The following ACAP3 variants were observed in gnomAD, a reference collection of about 807,000 sequenced individuals.
ACAP3 encodes arf-GAP with coiled-coil, ANK repeat and PH domain-containing protein 3.
Under a neutral mutation model 104.1 loss-of-function variants are expected in ACAP3, and 56 were observed. The observed-to-expected ratio is 0.54, with a 90% CI of 0.43 to 0.67. ACAP3 has a LOEUF of 0.67. Among genes scored for constraint, ACAP3 ranks in the 30% least tolerant of loss-of-function variants. The pLI, the probability that ACAP3 is intolerant of heterozygous loss-of-function variation, is 0.00. For missense variants in ACAP3, 1,208 were observed against 1,174.9 expected, an observed-to-expected ratio of 1.03 and a Z score of -0.41; for synonymous variants, 628 against 496.2, an observed-to-expected ratio of 1.27 and a Z score of -3.53.
In ACAP3 at chr1:1,293,900, G is replaced by C. The variant is rs1265357031; in HGVS notation, c.2283C>G (p.Asp761Glu). 6.3e-7 allele frequency: 1 copy of C among 1,582,430 alleles called. No homozygotes were observed. The highest frequency in any genetic ancestry group is 8.6e-7 in the Non-Finnish European group (1 of 1,166,896). The change falls in exon 23 of 24, where the codon GAC becomes GAG. Residue 761 changes from aspartate to glutamate, a missense_variant. Transcript: ENST00000354700. The stretch of plus-strand genomic sequence containing the variant: ...GCTGCTCTTGGTCCAGGGCGTGCTG[G>C]TCCGCGCCCCGCTTCAGGAACAGGC... Reference protein sequence around the residue: ...QVCLFLKRGADQHALDQEQRD... With the variant: ...QVCLFLKRGAEQHALDQEQRD...
At chr1:1,294,695 G>T in intron 20 of ACAP3, 23 bp downstream of exon 20, 1 of 1,548,414 alleles carries the variant, frequency 6.5e-7, no homozygotes, top group Non-Finnish European at 8.7e-7. Flanking sequence ...AGGGGCCTCG[G>T]GCGAGGGCAA....
intron 1 of ACAP3, among the ~76,000 whole-genome samples, chr1:1,306,201 A>C (rs1641685751): frequency 6.6e-6 from 1 of 152,046 alleles, no homozygotes; most frequent in Non-Finnish European, 1.5e-5. Flanking sequence ...CTCCTGTAAC[A>C]GGCTCCCATG....
intron 14 of ACAP3, among the ~76,000 whole-genome samples, chr1:1,296,935 G>A (rs1166647366): frequency 1.3e-5 from 2 of 151,952 alleles, no homozygotes; most frequent in Non-Finnish European, 2.9e-5. Context: ...ACTCCCACAC[G>A]CGCGTGTATA....
At position 1,297,700 on chromosome 1, in the gene ACAP3, C is replaced by T. The variant is rs1463164985; in HGVS notation, c.1128+122G>A. 64 of 851,674 alleles carry T rather than the reference C, an allele frequency of 7.5e-5. 6 individuals are homozygous for T. Among genetic ancestry groups the T allele is most frequent in the African/African-American group, 1.2e-4 (3 of 25,148 alleles). 52.8% of individuals were successfully genotyped at this position (851,674 alleles called of 1,614,324 possible). On this transcript the variant is annotated intron_variant, in intron 14 of 23. Coordinates refer to ENST00000354700, the MANE Select transcript of ACAP3 (RefSeq NM_030649.3). ...GGCCATCCCCGGTGGCACGTGTGCA[C>T]GGGCACGGGGCAGGGGCCATCCCCG...
chr1:1,306,523 C>G (rs3737719), intron 1 of ACAP3, among the ~76,000 whole-genome samples: 116,724 of 152,090 alleles, frequency 0.77, 47,667 homozygotes, highest in Non-Finnish European at 0.93. Context: ...CCAGGGCTGG[C>G]GGCCACTCTC....
chr1:1,303,898 C>T lies in ACAP3; in HGVS notation c.105+188G>A, dbSNP rs1641564201. 2 of 709,668 alleles carry T rather than the reference C, an allele frequency of 2.8e-6. No homozygotes were observed. Among genetic ancestry groups the T allele is most frequent in the Admixed American group, 2.6e-5 (1 of 38,562 alleles). 44.0% of individuals were successfully genotyped at this position (709,668 alleles called of 1,614,324 possible). A position where few individuals can be genotyped will look rare whatever the true frequency, so the allele number is the denominator to read the frequency against. ...ATGGGACGAGACTCAGGGCCAGCCA[C>T]ATGTGTGCATGTGACATGTGCACCC... On this transcript the variant is annotated intron_variant, in intron 2 of 23. Coordinates refer to ENST00000354700, the MANE Select transcript of ACAP3 (RefSeq NM_030649.3). This position sits in a 1 kb window ranked among gnomAD's most constrained non-coding sequence, Gnocchi z 4.0.
chr1:1,304,083 C>A lies in ACAP3; in HGVS notation c.105+3G>T. Reference sequence around the variant, plus strand: ...CACAGGGCGCTCCAGGCCCGCCCTTCACCTTGTCCAGTTTGGCCTCAATCT... The same window carrying A: ...CACAGGGCGCTCCAGGCCCGCCCTTAACCTTGTCCAGTTTGGCCTCAATCT... On this transcript the variant is annotated splice_donor_region_variant and intron_variant, in intron 2 of 23. Coordinates refer to ENST00000354700, the MANE Select transcript of ACAP3 (RefSeq NM_030649.3). 2 of 1,550,646 alleles carry A rather than the reference C, an allele frequency of 1.3e-6. No individual in the cohort carries two copies. The highest frequency in any genetic ancestry group is 1.7e-6 in the Non-Finnish European group (2 of 1,146,864).
intron 5 of ACAP3, among the ~76,000 whole-genome samples, chr1:1,301,143 T>G (rs1255529294): frequency 6.6e-6 from 1 of 150,502 alleles, no homozygotes; most frequent in Admixed American, 6.6e-5. Flanking sequence ...CAGTTATGGC[T>G]CACTGCAGCC....
intron 10 of ACAP3, 66 bp from the exon 11 acceptor site, chr1:1,298,745 C>T (rs1261960963): frequency 3.4e-5 from 43 of 1,279,356 alleles, no homozygotes; most frequent in East Asian, 1.9e-4. Flanking sequence ...CGTGCTTTCC[C>T]GGAGCACAGG....
Position 1,296,599 on chromosome 1 carries a change from C to G in ACAP3, c.1163G>C (p.Ser388Thr). 1 of 1,538,880 alleles carries G rather than the reference C, an allele frequency of 6.5e-7. No homozygotes were observed. Among genetic ancestry groups the G allele is most frequent in the South Asian group, 1.2e-5 (1 of 83,998 alleles). The change falls in exon 15 of 24, where the codon AGC becomes ACC. Residue 388 changes from serine (S) to threonine (T), a missense_variant. Ser to Thr is a moderately conservative substitution (Grantham distance 58, BLOSUM62 1). Transcript: ENST00000354700. ...LDRTASPSTS[S>T]IDSATDTRER... ...CCGAGTGTCGGTGGCGGAGTCGATG[C>G]TGCTCGTGGACGGGGATGCTGTGCG...
In ACAP3 at chr1:1,294,771, G is replaced by C. The variant is rs1467762083; in HGVS notation, c.1859C>G (p.Ser620Trp). Reference sequence around the variant, plus strand: ...GCCCGAGCCGAAAGCCAGGACGTCCGAGCTGCCATCCGAGCTGCCCCCAAG... The same window carrying C: ...GCCCGAGCCGAAAGCCAGGACGTCCCAGCTGCCATCCGAGCTGCCCCCAAG... ...SGLGGSSDGS[S>W]DVLAFGSGSV... is the part of the protein sequence containing the mutation. Residue 620 changes from serine (S) to tryptophan (W), a missense_variant, in exon 20 of 24, where the codon TCG becomes TGG. Ser to Trp is a radical substitution (Grantham distance 177). Transcript: ENST00000354700. 6.5e-7 allele frequency: 1 copy of C among 1,549,608 alleles called. No homozygotes were observed. Among genetic ancestry groups the C allele is most frequent in the Non-Finnish European group, 8.7e-7 (1 of 1,146,592 alleles).
intron 1 of ACAP3, chr1:1,307,364 C>T: frequency 7.8e-7 from 1 of 1,290,092 alleles, no homozygotes; most frequent in South Asian, 1.2e-5. Context: ...GCTCCAGCTG[C>T]CTGTTCCCCA....
chr1:1,297,990 C>A lies in ACAP3; in HGVS notation c.1016+23G>T, dbSNP rs565218133. On this transcript the variant is annotated intron_variant, in intron 13 of 23. Coordinates refer to ENST00000354700, the MANE Select transcript of ACAP3 (RefSeq NM_030649.3). ...CGGTGGGCAGGTACGCCCCCCGCCC[C>A]ACCCTGGGCTGGGCCTCCTCACTTG... 1.5e-4 allele frequency: 236 copies of A among 1,611,424 alleles called. 1 individual carries two copies. The South Asian group carries it at 2.4e-3, about 16-fold the overall frequency.
rs772300134 is a variant in ACAP3, at chr1:1,300,083, C to G, written c.568-15G>C. The G allele has an allele frequency of 1.9e-6, 3 of 1,610,956 alleles. No individual in the cohort carries two copies. Among genetic ancestry groups the G allele is most frequent in the Non-Finnish European group, 1.7e-6 (2 of 1,178,872 alleles). ...AAGGACAGCATCTGCGGGGGCAGCA[C>G]AGGTGAGGCCCAAGCACACCCGGTC... On this transcript the variant is annotated splice_polypyrimidine_tract_variant and intron_variant, in intron 7 of 23. Transcript: ENST00000354700.
At chr1:1,297,051 CCA>C (rs59656555) in intron 14 of ACAP3, among the ~76,000 whole-genome samples, 12,924 of 152,242 alleles carry the variant, frequency 0.085, 1,822 homozygotes, top group African/African-American at 0.29. Context: ...CTTGCAGGAG[CCA>C]CACACAGGCG....
intron 19 of ACAP3, 138 bp downstream of exon 19, chr1:1,295,309 C>T (rs1749952): frequency 0.073 from 53,445 of 729,160 alleles, 2,697 homozygotes; most frequent in East Asian, 0.18. Context: ...CCTTGGCCTC[C>T]AGCTGTGTGG....
At chr1:1,307,167 G>A (rs1033997398) in intron 1 of ACAP3, 4 of 1,269,120 alleles carry the variant, frequency 3.2e-6, no homozygotes, top group East Asian at 5.6e-5. Flanking sequence ...CTGTGAACAT[G>A]TAGTTCACGC....
At chr1:1,300,960 T>C (rs1448788579) in intron 5 of ACAP3, among the ~76,000 whole-genome samples, 2 of 152,078 alleles carry the variant, frequency 1.3e-5, no homozygotes, top group Non-Finnish European at 2.9e-5. Flanking sequence ...AGAGATGGGG[T>C]TTCTCCAGGT....
rs777049311 is a variant in ACAP3, at chr1:1,296,436, G to A, written c.1326C>T (p.Ser442=). 33 of 1,546,118 alleles carry A rather than the reference G, an allele frequency of 2.1e-5. No individual in the cohort carries two copies. Among genetic ancestry groups the A allele is most frequent in the South Asian group, 1.2e-4 (10 of 84,004 alleles). ...CCTCAGGGGCCCACCTGTGGATGCC[G>A]GAGCACTCAATGCAGAGCAGCACGC... ...NLGVLLCIEC[S]GIHRSLGVHC... is the part of the protein sequence containing the mutation. Residue 442 remains serine, a synonymous_variant, in exon 15 of 24, where the codon TCC becomes TCT. Coordinates refer to ENST00000354700, the MANE Select transcript of ACAP3 (RefSeq NM_030649.3).
Sources: gnomAD v4.1 joint callset for allele counts (sites outside exome capture counted in the v4.1 genomes callset) on GRCh38, gnomAD v4.1.1 for gene constraint, Gnocchi (gnomAD v3.1) non-coding constraint, MANE v1.5 for transcripts, NCBI Gene and HGNC (gene_info 2026-07-23, HGNC 2026-07-21) for gene names.